Variants in NCAPD3 observed in about 807,000 individuals in gnomAD.
NCAPD3 encodes condensin-2 complex subunit D3.
A neutral mutation model predicts 182.9 loss-of-function variants in NCAPD3; 105 were observed. The ratio of observed to expected loss-of-function variants is 0.57; its 90% confidence interval spans 0.49 to 0.68. The LOEUF (loss-of-function observed/expected upper bound fraction) is 0.68, where lower values mean the gene tolerates loss of function less well. Ranked by LOEUF, NCAPD3 falls within the 30% of genes least tolerant of loss-of-function variation. The pLI, the probability that NCAPD3 is intolerant of heterozygous loss-of-function variation, is 0.00. For missense variants in NCAPD3, 1,944 were observed against 1,837.0 expected, an observed-to-expected ratio of 1.06 and a Z score of -1.07; for synonymous variants, 815 against 679.9, an observed-to-expected ratio of 1.20 and a Z score of -3.09.
chr11:134,165,010 C>A (rs1214763954), intron 27 of NCAPD3, among the ~76,000 whole-genome samples: 1 of 150,056 alleles, frequency 6.7e-6, no homozygotes. Flanking sequence ...AGGGAAGCTG[C>A]ACACCCACTT....
At chr11:134,217,258 A>C (rs918821177) in intron 2 of NCAPD3, among the ~76,000 whole-genome samples, 160 bp from the exon 3 acceptor site, 5 of 152,226 alleles carry the variant, frequency 3.3e-5, no homozygotes, top group African/African-American at 1.2e-4. Flanking sequence ...ACTGAAACAA[A>C]ATATCAAAAT....
chr11:134,153,068 G>C lies in NCAPD3; in HGVS notation c.4389-16C>G. On this transcript the variant is annotated splice_polypyrimidine_tract_variant and intron_variant, in intron 34 of 34. Transcript: ENST00000534548. ...CTGTGGGGGCCTAGGGAAAGGACAT[G>C]TGCAGTCATTCTGGAACTCAGAAAA... 1 of 1,610,388 alleles carries C rather than the reference G, an allele frequency of 6.2e-7. No individual in the cohort carries two copies. The highest frequency in any genetic ancestry group is 1.3e-5 in the African/African-American group (1 of 74,962).
chr11:134,220,546 T>C, intron 2 of NCAPD3, 26 bp downstream of exon 2: 2 of 1,593,768 alleles, frequency 1.3e-6, no homozygotes. Flanking sequence ...CACCAAACTT[T>C]GGCTAGTTTG....
chr11:134,224,086 T>C, upstream of NCAPD3: 1 of 841,734 alleles, frequency 1.2e-6, no homozygotes, highest in Non-Finnish European at 1.9e-6. Context: ...ATCACCGGCG[T>C]CGTCCGCCGC....
chr11:134,209,363 G>A lies in NCAPD3; in HGVS notation c.682C>T (p.Pro228Ser). 3 of 1,614,044 alleles carry A rather than the reference G, an allele frequency of 1.9e-6. No homozygotes were observed. Among genetic ancestry groups the A allele is most frequent in the Non-Finnish European group, 2.5e-6 (3 of 1,179,990 alleles). ...HLLKNFLRLL[P>S]KFSLKEKPQC... ...GGCTTTTCTTTCAAGGAAAACTTTGGCAGAAGCCTTAAAAAATTCTTTAAA... is the reference window on the plus strand; with the variant it reads ...GGCTTTTCTTTCAAGGAAAACTTTGACAGAAGCCTTAAAAAATTCTTTAAA... Residue 228 changes from proline (P) to serine (S), a missense_variant, in exon 5 of 35, where the codon CCA (proline) becomes TCA (serine). By Grantham distance (74) the Pro-to-Ser change is moderately conservative. Coordinates refer to ENST00000534548, the MANE Select transcript of NCAPD3 (RefSeq NM_015261.3).
intron 24 of NCAPD3, chr11:134,173,059 C>A: frequency 6.6e-6 from 1 of 151,916 alleles, no homozygotes; most frequent in South Asian, 1.9e-4. Flanking sequence ...GAGCCTCATT[C>A]TACAGAATGT....
intron 31 of NCAPD3, among the ~76,000 whole-genome samples, chr11:134,157,692 A>G (rs1479073008): frequency 1.3e-5 from 2 of 152,232 alleles, no homozygotes; most frequent in Non-Finnish European, 2.9e-5. Flanking sequence ...GAGGAACAGA[A>G]TAGCTGGAGG....
chr11:134,171,194 C>T (rs1943998195), intron 24 of NCAPD3, among the ~76,000 whole-genome samples: 1 of 152,178 alleles, frequency 6.6e-6, no homozygotes, highest in African/African-American at 2.4e-5. Flanking sequence ...ATACCCACAC[C>T]ACCAACTCAG....
At chr11:134,201,744 G>A (rs1024152495) in intron 13 of NCAPD3, among the ~76,000 whole-genome samples, 15 of 152,156 alleles carry the variant, frequency 9.9e-5, no homozygotes, top group Admixed American at 5.9e-4. Flanking sequence ...CCGTAAATCC[G>A]TAACCTGTTT....
At chr11:134,206,029 C>G (rs1404414191) in intron 8 of NCAPD3, among the ~76,000 whole-genome samples, 2 of 152,160 alleles carry the variant, frequency 1.3e-5, no homozygotes, top group Non-Finnish European at 2.9e-5. Context: ...AACAACGCAG[C>G]AAACATGTCC....
intron 13 of NCAPD3, among the ~76,000 whole-genome samples, chr11:134,202,525 ACAC>A (rs1054072569): frequency 1.2e-4 from 19 of 152,210 alleles, no homozygotes; most frequent in African/African-American, 4.6e-4. Flanking sequence ...CCACAGGGGC[ACAC>A]CACCACGCCC....
At position 134,204,536 on chromosome 11, in the gene NCAPD3, G is replaced by T. The variant is rs1434786692; in HGVS notation, c.1089+363C>A. Among the ~76,000 whole-genome samples, 2 of 152,144 alleles carry T rather than the reference G, an allele frequency of 1.3e-5. No homozygotes were observed. Among genetic ancestry groups the T allele is most frequent in the Non-Finnish European group, 2.9e-5 (2 of 68,034 alleles). ...TAATATTAAGGAATTACCGTGAAAG[G>T]ATATGATGGAATTTGCTTCAAAACA... is the stretch of plus-strand genomic sequence containing the variant. On this transcript the variant is annotated intron_variant, in intron 9 of 34. Transcript: ENST00000534548. The surrounding 1 kb of genome is among the most constrained non-coding windows in gnomAD (Gnocchi z 4.3).
At chr11:134,181,293 G>T (rs1944291487) in intron 19 of NCAPD3, 109 bp from the exon 20 acceptor site, 2 of 696,658 alleles carry the variant, frequency 2.9e-6, no homozygotes, top group African/African-American at 3.6e-5. Flanking sequence ...ATAGGCTGTA[G>T]GGGTGCTTCC....
rs779966895 is a variant in NCAPD3 at position 134,161,842 on chromosome 11, A to T, written c.3623T>A (p.Leu1208Gln). 5 of 1,590,226 alleles carry T rather than the reference A, an allele frequency of 3.1e-6. No homozygotes were observed. Among genetic ancestry groups the T allele is most frequent in the Non-Finnish European group, 4.3e-6 (5 of 1,163,342 alleles). Residue 1208 changes from leucine (L) to glutamine (Q), a missense_variant, in exon 28 of 35, where the codon CTG becomes CAG. Physicochemically the swap from Leu to Gln is moderately radical, Grantham distance 113 (BLOSUM62 -2). Transcript: ENST00000534548. ...IENIIPIIIS[L>Q]KTVLEKNKIP... is the part of the protein sequence containing the mutation. ...CTTATTTTTCTCCAGCACAGTCTTC[A>T]GGGAGATGATAATTGGAATAATATT... is the stretch of plus-strand genomic sequence containing the variant.
At chr11:134,169,914 T>C (rs1943965242) in intron 24 of NCAPD3, among the ~76,000 whole-genome samples, 1 of 152,170 alleles carries the variant, frequency 6.6e-6, no homozygotes, top group Non-Finnish European at 1.5e-5. Flanking sequence ...TCAAATGCAA[T>C]TTCCACCCAC....
chr11:134,223,783 C>A, intron 1 of NCAPD3, 80 bp downstream of exon 1: 1 of 1,533,504 alleles, frequency 6.5e-7, no homozygotes, highest in East Asian at 2.4e-5. Flanking sequence ...CCACCGGCAC[C>A]CCGGCCCGGG....
chr11:134,203,977 C>T (rs1348236842), intron 10 of NCAPD3, 69 bp downstream of exon 10: 2 of 1,599,598 alleles, frequency 1.3e-6, no homozygotes, highest in East Asian at 2.2e-5. Flanking sequence ...TCATTCAGAC[C>T]TAGAAAAAGA....
At chr11:134,200,498 T>C (rs565220362) in intron 13 of NCAPD3, among the ~76,000 whole-genome samples, 1 of 152,264 alleles carries the variant, frequency 6.6e-6, no homozygotes, top group South Asian at 2.1e-4. Context: ...CATTAGCCAT[T>C]AGGGAAATGT....
intron 7 of NCAPD3, among the ~76,000 whole-genome samples, chr11:134,207,777 G>C (rs1159207224): frequency 7.0e-6 from 1 of 143,704 alleles, no homozygotes; most frequent in African/African-American, 2.6e-5. Context: ...ACCATCTTTA[G>C]AGACACAGTA....
Sources: gnomAD v4.1 joint callset for allele counts (sites outside exome capture counted in the v4.1 genomes callset) on GRCh38, gnomAD v4.1.1 for gene constraint, Gnocchi (gnomAD v3.1) non-coding constraint, MANE v1.5 for transcripts, NCBI Gene and HGNC (gene_info 2026-07-23, HGNC 2026-07-21) for gene names.